The following OTOGL variants were observed in gnomAD, a reference collection of about 807,000 sequenced individuals.
OTOGL encodes otogelin-like protein.
In OTOGL, 285 loss-of-function variants were observed where a neutral mutation model predicts 318.5. The ratio of observed to expected loss-of-function variants is 0.89; its 90% CI spans 0.81 to 0.99. The LOEUF (loss-of-function observed/expected upper bound fraction) is 0.99. Ranked by LOEUF, OTOGL falls within the 50% of genes least tolerant of loss-of-function variation. The pLI is 0.00. For missense variants in OTOGL, 2,899 were observed against 2,845.6 expected (o/e 1.02, Z -0.43); for synonymous variants, 987 against 936.5 (o/e 1.05, Z -0.99).
chr12:80,140,958 T>C (rs1871897078), intron 1 of OTOGL, among the ~76,000 whole-genome samples: 1 of 152,114 alleles, frequency 6.6e-6, no homozygotes, highest in Non-Finnish European at 1.5e-5. Context: ...ACTTACCAAA[T>C]ATACCTTCAG....
chr12:80,150,588 GT>G (rs148631660), intron 1 of OTOGL, among the ~76,000 whole-genome samples: 9,900 of 152,236 alleles, frequency 0.065, 1,012 homozygotes, highest in African/African-American at 0.22. Flanking sequence ...CTGCAGCCTT[GT>G]TAGTGGAGCA....
intron 1 of OTOGL, among the ~76,000 whole-genome samples, chr12:80,149,753 T>C (rs948229534): frequency 6.6e-6 from 1 of 152,230 alleles, no homozygotes; most frequent in Non-Finnish European, 1.5e-5. Context: ...AAGCCAGGTG[T>C]GGGATATAAT....
At position 80,244,391 on chromosome 12, in the gene OTOGL, A is replaced by G. The variant is rs952481990; in HGVS notation, c.1052+4952A>G. 3.7e-3 allele frequency among the ~76,000 whole-genome samples: 523 copies of G among 140,928 alleles called. 4 individuals carry two copies. The highest frequency in any genetic ancestry group is 0.013 in the African/African-American group (493 of 37,366). 92.5% of individuals were successfully genotyped at this position (140,928 alleles called of 152,430 possible). ...TGTGTCCATGTGATCTCATTGTTCA[A>G]TTCCCACCTATGAGTGAGAATATGC... On this transcript the variant is annotated intron_variant, in intron 11 of 58. Coordinates refer to ENST00000547103, the MANE Select transcript of OTOGL (RefSeq NM_001378609.3).
intron 1 of OTOGL, among the ~76,000 whole-genome samples, chr12:80,101,339 G>A (rs984907680): frequency 3.3e-5 from 5 of 152,114 alleles, no homozygotes; most frequent in African/African-American, 9.7e-5. Context: ...TTAGTACAAA[G>A]AATTTTAAAT....
chr12:80,289,510 G>A (rs779971760), intron 26 of OTOGL, among the ~76,000 whole-genome samples: 2 of 152,172 alleles, frequency 1.3e-5, no homozygotes, highest in East Asian at 1.9e-4. Context: ...GACCCTTCCC[G>A]CAGGTGCTCT....
At chr12:80,368,842 T>C (rs1232078403) in intron 55 of OTOGL, among the ~76,000 whole-genome samples, 5 of 150,274 alleles carry the variant, frequency 3.3e-5, no homozygotes, top group Non-Finnish European at 5.9e-5. Flanking sequence ...TTTTGCAACT[T>C]ACAAAAATAT....
Position 80,379,230 on chromosome 12 carries a change from T to C in OTOGL, c.*1182T>C, listed in dbSNP as rs2138137252. The C allele has an allele frequency of 6.6e-6, 1 of 151,974 alleles. No homozygotes were observed. Among genetic ancestry groups the C allele is most frequent in the Non-Finnish European group, 1.5e-5 (1 of 67,832 alleles). 9.4% of individuals were successfully genotyped at this position (151,974 alleles called of 1,614,324 possible). On this transcript the variant is annotated 3_prime_UTR_variant, in exon 59 of 59. Transcript: ENST00000547103. ...GAATTTTCTCCTCAGTATAAAGGAGTGAATGCCCTACTTAGTGTAATTGTA... is the reference window on the plus strand; with the variant it reads ...GAATTTTCTCCTCAGTATAAAGGAGCGAATGCCCTACTTAGTGTAATTGTA...
At chr12:80,375,922 C>T (rs1443484975) in intron 57 of OTOGL, among the ~76,000 whole-genome samples, 1 of 151,918 alleles carries the variant, frequency 6.6e-6, no homozygotes, top group East Asian at 1.9e-4. Flanking sequence ...GAGATAGAAC[C>T]AGCATAGGAG....
intron 1 of OTOGL, chr12:80,103,335 T>G: frequency 6.6e-7 from 1 of 1,524,708 alleles, no homozygotes; most frequent in East Asian, 2.3e-5. Context: ...AAACTTCATT[T>G]TGGCCGCTCC....
chr12:80,159,947 A>T (rs1346999490), intron 1 of OTOGL, among the ~76,000 whole-genome samples: 1 of 152,144 alleles, frequency 6.6e-6, no homozygotes, highest in Non-Finnish European at 1.5e-5. Context: ...ATAAAGTCAC[A>T]TACTCACAGC....
chr12:80,329,628 T>C (rs1887943528), intron 37 of OTOGL, among the ~76,000 whole-genome samples: 2 of 152,224 alleles, frequency 1.3e-5, no homozygotes. Flanking sequence ...CATTCTGGGC[T>C]CCTACCCTTG....
chr12:80,331,488 G>A (rs968468794), intron 37 of OTOGL, among the ~76,000 whole-genome samples: 1 of 151,586 alleles, frequency 6.6e-6, no homozygotes, highest in Non-Finnish European at 1.5e-5. Flanking sequence ...CTACAGGCAT[G>A]CACCACATGC....
At position 80,121,970 on chromosome 12, in the gene OTOGL, G is replaced by A. The variant is rs1870513038; in HGVS notation, c.-20+22365G>A. On this transcript the variant is annotated intron_variant, in intron 1 of 58. Transcript: ENST00000547103. ...TTTGTACTTTATTTCAGAACATGAT[G>A]TTGTAAACACGAGAAAGAGATGAGT... 3.9e-5 allele frequency among the ~76,000 whole-genome samples: 6 copies of A among 152,264 alleles called. No homozygotes were observed. The South Asian group carries it at 1.0e-3, about 26-fold the overall frequency.
chr12:80,217,807 G>A (rs1877889704), intron 5 of OTOGL, 143 bp downstream of exon 5: 1 of 590,882 alleles, frequency 1.7e-6, no homozygotes, highest in Non-Finnish European at 2.8e-6. Context: ...AATAATTTAA[G>A]TTCACTTCTT....
intron 31 of OTOGL, among the ~76,000 whole-genome samples, chr12:80,314,032 G>GGTAAA (rs1886819036): frequency 6.6e-6 from 1 of 152,056 alleles, no homozygotes; most frequent in Non-Finnish European, 1.5e-5. Flanking sequence ...TTGTGTAGGT[G>GGTAAA]GTAAGATATC....
chr12:80,133,604 T>A (rs12820454), intron 1 of OTOGL: 1 of 151,998 alleles, frequency 6.6e-6, no homozygotes, highest in Non-Finnish European at 1.5e-5. Flanking sequence ...AGAGCTAAAC[T>A]CATTCAAGCC....
intron 11 of OTOGL, among the ~76,000 whole-genome samples, chr12:80,241,494 G>A (rs191296923): frequency 2.6e-5 from 4 of 152,028 alleles, no homozygotes; most frequent in Non-Finnish European, 4.4e-5. Flanking sequence ...GATGGCTGTA[G>A]GTAGGCCATA....
At chr12:80,247,666 G>A (rs1410063303) in intron 11 of OTOGL, among the ~76,000 whole-genome samples, 1 of 35,266 alleles carries the variant, frequency 2.8e-5, no homozygotes, top group Admixed American at 3.2e-4. Flanking sequence ...GAGTTCTGTA[G>A]ATGTCTATTA....
intron 1 of OTOGL, among the ~76,000 whole-genome samples, chr12:80,139,291 A>G (rs1871775556): frequency 6.6e-6 from 1 of 152,156 alleles, no homozygotes; most frequent in Non-Finnish European, 1.5e-5. Context: ...TAGCTGTCCT[A>G]ATTACTCTGT....
Sources: gnomAD v4.1 joint callset for allele counts (sites outside exome capture counted in the v4.1 genomes callset) on GRCh38, gnomAD v4.1.1 for gene constraint, MANE v1.5 for transcripts, NCBI Gene and HGNC (gene_info 2026-07-23, HGNC 2026-07-21) for gene names.